Variants in LMO7 observed in about 807,000 individuals in gnomAD.
The protein encoded by LMO7 is LIM domain 7.
Under a neutral mutation model 206.5 loss-of-function variants are expected in LMO7, and 120 were observed. The observed-to-expected ratio is 0.58, with a 90% CI of 0.50 to 0.68. The LOEUF is 0.68. Among genes scored for constraint, LMO7 ranks in the 30% least tolerant of loss-of-function variants. LMO7 has a pLI of 0.00. For synonymous variants in LMO7, 706 were observed against 681.5 expected, an observed-to-expected ratio of 1.04 and a Z score of -0.56; for missense variants, 1,959 against 1,957.9, an observed-to-expected ratio of 1.00 and a Z score of -0.01.
chr13:75,621,127 A>G (rs1408899917), exon 1 of LMO7: 2 of 152,208 alleles, frequency 1.3e-5, no homozygotes, highest in African/African-American at 2.4e-5. Context: ...AGCAGTCACA[A>G]ATGTTATCTA....
intron 1 of LMO7, among the ~76,000 whole-genome samples, chr13:75,706,172 G>A (rs2042634213): frequency 6.6e-6 from 1 of 152,172 alleles, no homozygotes; most frequent in Non-Finnish European, 1.5e-5. Context: ...ATTGCAGGTA[G>A]AAAGTGGCAG....
At chr13:75,759,019 G>A (rs983985644) in intron 3 of LMO7, among the ~76,000 whole-genome samples, 2 of 152,166 alleles carry the variant, frequency 1.3e-5, no homozygotes, top group African/African-American at 4.8e-5. Flanking sequence ...GCATGGCTGG[G>A]AAGGCCTCAG....
chr13:75,793,725 A>G (rs1318352283), intron 4 of LMO7, among the ~76,000 whole-genome samples: 1 of 152,238 alleles, frequency 6.6e-6, no homozygotes, highest in Non-Finnish European at 1.5e-5. Flanking sequence ...TACAACTTAA[A>G]TACTTTTTGG....
chr13:75,657,977 C>T (rs1229996335), intron 1 of LMO7, among the ~76,000 whole-genome samples: 1 of 151,900 alleles, frequency 6.6e-6, no homozygotes, highest in African/African-American at 2.4e-5. Context: ...ATTTTATATT[C>T]ACATTTGGGT....
chr13:75,695,480 G>A (rs1429727624), intron 1 of LMO7, among the ~76,000 whole-genome samples: 2 of 152,210 alleles, frequency 1.3e-5, no homozygotes, highest in Non-Finnish European at 2.9e-5. Context: ...CTGAGTAGCT[G>A]GGACTACTGG....
At position 75,760,933 on chromosome 13, in the gene LMO7, A is replaced by G. The variant is rs771258809; in HGVS notation, c.212A>G (p.Asp71Gly). 4.8e-5 allele frequency: 78 copies of G among 1,613,196 alleles called. No individual in the cohort carries two copies. The highest frequency in any genetic ancestry group is 6.0e-5 in the Non-Finnish European group (71 of 1,179,658). Reference protein sequence around the residue: ...NRLSTPIAGLDNINVFLKACE... With the variant: ...NRLSTPIAGLGNINVFLKACE... ...ATCACTTTCCACTTCTTTTCACAGG[A>G]TAATATAAACGTTTTCTTGAAAGCT... The change falls in exon 4 of 31, where the codon GAT becomes GGT. Residue 71 changes from aspartate to glycine, a missense_variant and splice_region_variant. By Grantham distance (94) the Asp-to-Gly change is moderately conservative. Coordinates refer to ENST00000377534, the MANE Select transcript of LMO7 (RefSeq NM_001306080.2).
chr13:75,801,152 T>C (rs2054674312), intron 7 of LMO7, among the ~76,000 whole-genome samples: 1 of 152,038 alleles, frequency 6.6e-6, no homozygotes, highest in African/African-American at 2.4e-5. Context: ...ATCCTGGCTC[T>C]TCTCTCTCCA....
At chr13:75,752,500 CTG>C (rs754106438) in intron 3 of LMO7, among the ~76,000 whole-genome samples, 1 of 152,184 alleles carries the variant, frequency 6.6e-6, no homozygotes, top group African/African-American at 2.4e-5. Context: ...ATATATTACA[CTG>C]TGGTGAAGTA....
At chr13:75,732,415 A>G (rs757028764) in intron 3 of LMO7, among the ~76,000 whole-genome samples, 2 of 152,044 alleles carry the variant, frequency 1.3e-5, no homozygotes, top group Non-Finnish European at 2.9e-5. Context: ...AGTTGATCGC[A>G]TCAGCTCCTG....
intron 1 of LMO7, among the ~76,000 whole-genome samples, chr13:75,704,440 G>A (rs1473566725): frequency 1.3e-5 from 2 of 152,120 alleles, no homozygotes; most frequent in South Asian, 4.1e-4. Context: ...AACTTAATTT[G>A]GAATCAACTG....
chr13:75,805,873 C>G, intron 9 of LMO7, 113 bp downstream of exon 9: 1 of 1,205,048 alleles, frequency 8.3e-7, no homozygotes, highest in South Asian at 1.5e-5. Flanking sequence ...CTAATTAGTT[C>G]TCTAGTATCT....
At chr13:75,772,055 T>C (rs1274027198) in intron 4 of LMO7, among the ~76,000 whole-genome samples, 1 of 152,040 alleles carries the variant, frequency 6.6e-6, no homozygotes, top group Non-Finnish European at 1.5e-5. Flanking sequence ...AAATAGTGAC[T>C]CAGAAAAGCA....
At chr13:75,726,453 T>G (rs980424190) in intron 2 of LMO7, among the ~76,000 whole-genome samples, 2 of 151,998 alleles carry the variant, frequency 1.3e-5, no homozygotes, top group African/African-American at 2.4e-5. Flanking sequence ...GGGGGAGTTC[T>G]GGTACATTGA....
chr13:75,749,824 A>G (rs1477339337), intron 3 of LMO7, among the ~76,000 whole-genome samples: 1 of 146,154 alleles, frequency 6.8e-6, no homozygotes, highest in African/African-American at 2.5e-5. Context: ...CTGAGCCCTC[A>G]CCCCCACCTT....
At position 75,844,415 on chromosome 13, in the gene LMO7, C is replaced by CT. The variant is rs1235578609; in HGVS notation, c.4098-900dup. 2.4e-3 allele frequency among the ~76,000 whole-genome samples: 340 copies of CT among 142,674 alleles called. 2 individuals are homozygous for CT. Among genetic ancestry groups the CT allele is most frequent in the East Asian group, 9.8e-3 (48 of 4,912 alleles). 93.6% of individuals were successfully genotyped at this position (142,674 alleles called of 152,430 possible). On this transcript the variant is annotated intron_variant, in intron 25 of 30. Transcript: ENST00000377534. ...TATTTTCTTTTTCTTTTGTTTTTTT[C>CT]TTTTTTTTTTTTGAGACGTAGTCTC... is the stretch of plus-strand genomic sequence containing the variant.
chr13:75,804,406 G>GT lies in LMO7; in HGVS notation c.785dup (p.Leu262PhefsTer6), dbSNP rs1277818314. 2 of 1,614,122 alleles carry GT rather than the reference G, an allele frequency of 1.2e-6. No individual in the cohort carries two copies. Among genetic ancestry groups the GT allele is most frequent in the Non-Finnish European group, 1.7e-6 (2 of 1,179,994 alleles). On this transcript the variant is annotated frameshift_variant, in exon 8 of 31. Coordinates refer to ENST00000377534, the MANE Select transcript of LMO7 (RefSeq NM_001306080.2). LOFTEE classifies it high-confidence loss of function. Reference sequence around the variant, plus strand: ...CCAAAGACTGCGTTACCCTTCAATCGTTTTTTACCCAACAAAAGTAGACAG... The same window carrying GT: ...CCAAAGACTGCGTTACCCTTCAATCGTTTTTTTACCCAACAAAAGTAGACAG...
At chr13:75,670,475 G>A (rs2039463957) in intron 1 of LMO7, among the ~76,000 whole-genome samples, 3 of 152,150 alleles carry the variant, frequency 2.0e-5, no homozygotes, top group Non-Finnish European at 4.4e-5. Context: ...GCTATATAGT[G>A]TAGCTTATTG....
At chr13:75,816,423 A>G (rs995635480) in intron 11 of LMO7, among the ~76,000 whole-genome samples, 2 of 152,098 alleles carry the variant, frequency 1.3e-5, no homozygotes, top group African/African-American at 4.8e-5. Flanking sequence ...TGGCTCTTTT[A>G]TGTGCATGTA....
chr13:75,622,357 A>C (rs2033423146), intron 1 of LMO7: 1 of 152,308 alleles, frequency 6.6e-6, no homozygotes, highest in Admixed American at 6.5e-5. Context: ...TAAATATTAT[A>C]ACAGCATAAG....
Sources: allele counts gnomAD v4.1 joint callset (sites outside exome capture counted in the v4.1 genomes callset), GRCh38; gene constraint gnomAD v4.1.1; transcripts MANE v1.5; gene names NCBI Gene and HGNC (gene_info 2026-07-23, HGNC 2026-07-21).